Variants in SNRPN observed in about 807,000 individuals in gnomAD.
SNRPN encodes the protein small nuclear ribonucleoprotein-associated protein N.
In SNRPN, 7 loss-of-function variants were observed where a neutral mutation model predicts 25.2. The observed-to-expected ratio is 0.28, with a 90% CI of 0.16 to 0.52. The LOEUF is 0.52. SNRPN is among the 20% of genes least tolerant of loss of function. SNRPN has a pLI of 0.96. For missense variants in SNRPN, 196 were observed against 322.5 expected (o/e 0.61, Z 3.00); for synonymous variants, 124 against 110.6 (o/e 1.12, Z -0.76).
At chr15:24,837,713 A>G (rs987274827) in intron 2 of SNRPN, among the ~76,000 whole-genome samples, 4 of 149,476 alleles carry the variant, frequency 2.7e-5, no homozygotes, top group Non-Finnish European at 4.4e-5. Flanking sequence ...AAGGATTTTG[A>G]TGCAATAACT....
intron 2 of SNRPN, among the ~76,000 whole-genome samples, chr15:24,899,327 G>A (rs1353067078): frequency 6.6e-6 from 1 of 152,094 alleles, no homozygotes; most frequent in African/African-American, 2.4e-5. Flanking sequence ...CAATTAATAA[G>A]CTGTTGCCTT....
At chr15:24,962,302 T>G in intron 2 of SNRPN, 93 bp downstream of exon 2, 3 of 1,006,636 alleles carry the variant, frequency 3.0e-6, no homozygotes, top group Non-Finnish European at 4.6e-6. Flanking sequence ...AAAATGAACA[T>G]AATTGAAGAA....
At chr15:24,880,620 G>T (rs2056484045) in intron 1 of SNRPN, among the ~76,000 whole-genome samples, 1 of 152,056 alleles carries the variant, frequency 6.6e-6, no homozygotes, top group Non-Finnish European at 1.5e-5. Flanking sequence ...TCCTGAAAAT[G>T]GAACCCTAAT....
At chr15:24,837,326 G>A (rs545495942) in intron 2 of SNRPN, among the ~76,000 whole-genome samples, 17 of 151,842 alleles carry the variant, frequency 1.1e-4, no homozygotes, top group Non-Finnish European at 2.1e-4. Flanking sequence ...GAAAAATCCC[G>A]TGGAAAAACA....
intron 2 of SNRPN, among the ~76,000 whole-genome samples, chr15:24,905,688 C>T (rs1032571314): frequency 3.3e-5 from 5 of 151,732 alleles, no homozygotes; most frequent in African/African-American, 9.7e-5. Flanking sequence ...CTTAGTTTAG[C>T]GAAAATAAAA....
At chr15:24,856,917 TTCA>T (rs2053451678) in intron 1 of SNRPN, among the ~76,000 whole-genome samples, 1 of 152,232 alleles carries the variant, frequency 6.6e-6, no homozygotes, top group Admixed American at 6.5e-5. Context: ...GTCAGTTATT[TTCA>T]TCTTTTCCAT....
intron 2 of SNRPN, among the ~76,000 whole-genome samples, chr15:24,848,166 G>A (rs1378427096): frequency 1.4e-5 from 2 of 143,716 alleles, no homozygotes; most frequent in Non-Finnish European, 3.1e-5. Flanking sequence ...TGTCCGGTGC[G>A]GCCAACCAGC....
chr15:24,972,775 C>T (rs2076588910), intron 3 of SNRPN, among the ~76,000 whole-genome samples: 1 of 143,120 alleles, frequency 7.0e-6, no homozygotes, highest in African/African-American at 2.8e-5. Flanking sequence ...ATTATGCATG[C>T]TTGATTACGG....
intron 2 of SNRPN, among the ~76,000 whole-genome samples, chr15:24,906,124 T>C (rs905036323): frequency 2.6e-5 from 4 of 152,012 alleles, no homozygotes; most frequent in African/African-American, 9.7e-5. Flanking sequence ...GTTTTTTTGT[T>C]TTTGTTTTTG....
chr15:24,875,663 A>C (rs2055786629), intron 1 of SNRPN, among the ~76,000 whole-genome samples: 2 of 152,198 alleles, frequency 1.3e-5, no homozygotes, highest in Non-Finnish European at 2.9e-5. Context: ...TCACACCTGT[A>C]ATCCCAGCAA....
chr15:24,895,213 T>C (rs2057999788), intron 2 of SNRPN, among the ~76,000 whole-genome samples: 2 of 152,174 alleles, frequency 1.3e-5, no homozygotes, highest in South Asian at 4.1e-4. Context: ...ATTACTTGCT[T>C]CAGCAGAAAG....
intron 3 of SNRPN, among the ~76,000 whole-genome samples, chr15:24,940,052 A>C (rs1263629776): frequency 6.6e-6 from 1 of 152,158 alleles, no homozygotes; most frequent in Non-Finnish European, 1.5e-5. Context: ...GGCCTCCCCA[A>C]ATGCTAGGCT....
chr15:24,843,520 T>C (rs1276247058), intron 2 of SNRPN, among the ~76,000 whole-genome samples: 1 of 152,134 alleles, frequency 6.6e-6, no homozygotes, highest in Non-Finnish European at 1.5e-5. Context: ...CAGTGGCTCA[T>C]GCCTGTAATC....
intron 1 of SNRPN, among the ~76,000 whole-genome samples, chr15:24,858,632 A>C: frequency 6.9e-6 from 1 of 144,726 alleles, no homozygotes; most frequent in Admixed American, 7.0e-5. Context: ...CTGTCTACTT[A>C]AAAAAAAAAA....
At chr15:24,830,059 G>A (rs1280043590) in intron 2 of SNRPN, among the ~76,000 whole-genome samples, 1 of 152,062 alleles carries the variant, frequency 6.6e-6, no homozygotes, top group Admixed American at 6.5e-5. Context: ...CTTACATGTT[G>A]ATGTTCGCAT....
chr15:24,934,917 G>C (rs2152936900), intron 3 of SNRPN, among the ~76,000 whole-genome samples: 1 of 152,228 alleles, frequency 6.6e-6, no homozygotes, highest in Admixed American at 6.5e-5. Flanking sequence ...ATATTTTGTT[G>C]GGAGATCACA....
chr15:24,839,831 C>A (rs1190760815), intron 2 of SNRPN, among the ~76,000 whole-genome samples: 1 of 151,380 alleles, frequency 6.6e-6, no homozygotes, highest in Non-Finnish European at 1.5e-5. Flanking sequence ...AATTAGCTAG[C>A]CATTTGTTCA....
chr15:24,867,477 C>G (rs1191513768), intron 1 of SNRPN, among the ~76,000 whole-genome samples: 1 of 151,872 alleles, frequency 6.6e-6, no homozygotes, highest in Non-Finnish European at 1.5e-5. Context: ...CTGGTTCACG[C>G]CATTCTCCTG....
intron 2 of SNRPN, among the ~76,000 whole-genome samples, chr15:24,906,737 T>C (rs778462149): frequency 1.8e-4 from 27 of 152,180 alleles, no homozygotes; most frequent in Non-Finnish European, 2.5e-4. Context: ...CTCAAGGGGG[T>C]GTAAGTGCCT....
Sources: gnomAD v4.1 joint callset for allele counts (sites outside exome capture counted in the v4.1 genomes callset) on GRCh38, gnomAD v4.1.1 for gene constraint, MANE v1.5 for transcripts, NCBI Gene and HGNC (gene_info 2026-07-23, HGNC 2026-07-21) for gene names.